SYNDIG1: variants seen among roughly 807,000 people sequenced by gnomAD.
SYNDIG1 encodes synapse differentiation inducing 1, also known as synapse differentiation-inducing gene protein 1.
A neutral mutation model predicts 19.4 loss-of-function variants in SYNDIG1; 9 were observed. The observed-to-expected ratio is 0.46, with a 90% CI of 0.28 to 0.81. SYNDIG1 has a LOEUF of 0.81. SYNDIG1 is among the 30% of genes least tolerant of loss of function. SYNDIG1 has a pLI of 0.12. For synonymous variants in SYNDIG1, 141 were observed against 145.9 expected, an observed-to-expected ratio of 0.97 and a Z score of 0.24; for missense variants, 311 against 343.3, an observed-to-expected ratio of 0.91 and a Z score of 0.74.
At chr20:24,584,134 T>C (rs1342741817) in intron 2 of SYNDIG1, among the ~76,000 whole-genome samples, 1 of 151,486 alleles carries the variant, frequency 6.6e-6, no homozygotes, top group African/African-American at 2.4e-5. Context: ...CCCAGGAGAG[T>C]CTCACTCAGC....
chr20:24,519,270 A>T (rs1339698056), intron 1 of SYNDIG1, among the ~76,000 whole-genome samples: 1 of 152,200 alleles, frequency 6.6e-6, no homozygotes, highest in Non-Finnish European at 1.5e-5. Context: ...GTCATTTCTG[A>T]ACCTTTTGTA....
intron 3 of SYNDIG1, among the ~76,000 whole-genome samples, chr20:24,611,396 C>T (rs894121000): frequency 3.3e-5 from 5 of 152,186 alleles, no homozygotes; most frequent in Admixed American, 6.5e-5. Context: ...CTGTCCCCAG[C>T]GAAGACTTCA....
intron 3 of SYNDIG1, among the ~76,000 whole-genome samples, chr20:24,606,708 C>T (rs576818394): frequency 6.6e-6 from 1 of 152,252 alleles, no homozygotes; most frequent in South Asian, 2.1e-4. Flanking sequence ...GTGGGCAGAG[C>T]GCAGCACAAG....
intron 2 of SYNDIG1, among the ~76,000 whole-genome samples, chr20:24,582,029 C>A: frequency 7.1e-6 from 1 of 140,616 alleles, no homozygotes; most frequent in South Asian, 2.5e-4. Context: ...ATGTCCTCCC[C>A]CCGCACATCC....
intron 1 of SYNDIG1, among the ~76,000 whole-genome samples, chr20:24,509,353 C>A (rs1301133104): frequency 6.6e-6 from 1 of 152,108 alleles, no homozygotes; most frequent in East Asian, 1.9e-4. Flanking sequence ...TTTTAATATG[C>A]ATTTCTTAAT....
intron 2 of SYNDIG1, among the ~76,000 whole-genome samples, chr20:24,554,870 G>A (rs947814471): frequency 4.0e-5 from 6 of 151,778 alleles, no homozygotes; most frequent in Admixed American, 3.9e-4. Context: ...AATAGTTTCA[G>A]AAGGAATAGT....
At chr20:24,592,998 T>A (rs540500842) in intron 3 of SYNDIG1, among the ~76,000 whole-genome samples, 42 of 152,252 alleles carry the variant, frequency 2.8e-4, no homozygotes, top group African/African-American at 8.2e-4. Flanking sequence ...TAGGGAGAAA[T>A]CAGGAAATCC....
chr20:24,487,379 A>G (rs2055997793), intron 1 of SYNDIG1, among the ~76,000 whole-genome samples: 1 of 152,172 alleles, frequency 6.6e-6, no homozygotes, highest in African/African-American at 2.4e-5. Context: ...GAGTGTTACA[A>G]AAGACACAGC....
At chr20:24,602,023 T>A (rs939986854) in intron 3 of SYNDIG1, among the ~76,000 whole-genome samples, 6 of 152,128 alleles carry the variant, frequency 3.9e-5, no homozygotes, top group East Asian at 1.9e-4. Flanking sequence ...AGAATTCCCA[T>A]GTGTCTTCTT....
intron 3 of SYNDIG1, among the ~76,000 whole-genome samples, chr20:24,585,245 T>G (rs2058398037): frequency 6.6e-6 from 1 of 152,160 alleles, no homozygotes; most frequent in Non-Finnish European, 1.5e-5. Flanking sequence ...CCGAAGAGGC[T>G]TTGGAACTGA....
At chr20:24,571,784 A>G (rs914611190) in intron 2 of SYNDIG1, among the ~76,000 whole-genome samples, 8 of 152,352 alleles carry the variant, frequency 5.3e-5, no homozygotes, top group African/African-American at 1.9e-4. Flanking sequence ...TTGGTTTTAC[A>G]CAGAGGCAAC....
intron 2 of SYNDIG1, among the ~76,000 whole-genome samples, chr20:24,562,718 C>T (rs1216121581): frequency 6.6e-6 from 1 of 152,130 alleles, no homozygotes; most frequent in African/African-American, 2.4e-5. Context: ...ATTTTTCAGA[C>T]TTGTGCTTTT....
chr20:24,561,860 AAATT>A (rs2057953332), intron 2 of SYNDIG1, among the ~76,000 whole-genome samples: 1 of 152,264 alleles, frequency 6.6e-6, no homozygotes, highest in Non-Finnish European at 1.5e-5. Flanking sequence ...AATGTTAATC[AAATT>A]AATTATCTTT....
At chr20:24,657,811 A>G (rs1179450218) in intron 3 of SYNDIG1, among the ~76,000 whole-genome samples, 1 of 152,058 alleles carries the variant, frequency 6.6e-6, no homozygotes, top group African/African-American at 2.4e-5. Context: ...CAAACATTAG[A>G]TGATGATAAA....
intron 3 of SYNDIG1, among the ~76,000 whole-genome samples, chr20:24,664,676 G>A (rs1424663256): frequency 6.6e-6 from 1 of 152,180 alleles, no homozygotes; most frequent in East Asian, 1.9e-4. Flanking sequence ...GAATATAGGT[G>A]TTAGTTTTGT....
intron 3 of SYNDIG1, among the ~76,000 whole-genome samples, chr20:24,656,714 C>T (rs932779488): frequency 6.6e-6 from 1 of 152,260 alleles, no homozygotes; most frequent in Non-Finnish European, 1.5e-5. Flanking sequence ...GCTCTGCGTG[C>T]TCGCACTTGA....
chr20:24,580,697 C>G (rs1239888576), intron 2 of SYNDIG1, among the ~76,000 whole-genome samples: 8 of 152,134 alleles, frequency 5.3e-5, no homozygotes, highest in Non-Finnish European at 1.2e-4. Context: ...GTGTGAACAA[C>G]CATGCCCACC....
At chr20:24,629,997 G>A (rs1325293182) in intron 3 of SYNDIG1, among the ~76,000 whole-genome samples, 1 of 152,180 alleles carries the variant, frequency 6.6e-6, no homozygotes, top group Non-Finnish European at 1.5e-5. Context: ...AGTCAGGAGC[G>A]GAGTCCAAGC....
chr20:24,487,561 T>G (rs1397061670), intron 1 of SYNDIG1, among the ~76,000 whole-genome samples: 1 of 152,184 alleles, frequency 6.6e-6, no homozygotes, highest in Non-Finnish European at 1.5e-5. Flanking sequence ...ACTTTTTTCA[T>G]GCAGTGGGAC....
Sources: gnomAD v4.1 joint callset for allele counts (sites outside exome capture counted in the v4.1 genomes callset) on GRCh38, gnomAD v4.1.1 for gene constraint, MANE v1.5 for transcripts, NCBI Gene and HGNC (gene_info 2026-07-23, HGNC 2026-07-21) for gene names.